CNTN6: variants seen among roughly 807,000 people sequenced by gnomAD.
CNTN6 encodes the protein contactin-6.
In CNTN6, 137 loss-of-function variants were observed where a neutral mutation model predicts 122.8. The observed-to-expected ratio is 1.12, with a 90% confidence interval of 0.97 to 1.29. The LOEUF (loss-of-function observed/expected upper bound fraction) is 1.29, where lower values mean the gene tolerates loss of function less well. Ranked by LOEUF, CNTN6 falls within the 50% of genes most tolerant of loss-of-function variation. The probability of loss-of-function intolerance (pLI) is 0.00; values close to 1 mark genes in which losing one functional copy is unlikely to be tolerated. For missense variants in CNTN6, 1,634 were observed against 1,223.4 expected (o/e 1.34, Z -5.01); for synonymous variants, 570 against 426.0 (o/e 1.34, Z -4.16).
Position 1,347,373 on chromosome 3 carries a change from T to G in CNTN6, c.1365-4951T>G, listed in dbSNP as rs60137015. ...GGGAAAATTTTTCTATTTAATTGTG[T>G]GAACAGTTAAAATATTCTAATTAAG... On this transcript the variant is annotated intron_variant, in intron 11 of 22. Transcript: ENST00000446702. Among the ~76,000 whole-genome samples the G allele has an allele frequency of 5.2e-3, 786 of 152,232 alleles. 9 individuals are homozygous for G. Among genetic ancestry groups the G allele is most frequent in the African/African-American group, 0.018 (736 of 41,554 alleles).
intron 5 of CNTN6, among the ~76,000 whole-genome samples, chr3:1,291,743 C>G (rs935062026): frequency 6.6e-6 from 1 of 152,070 alleles, no homozygotes; most frequent in Non-Finnish European, 1.5e-5. Flanking sequence ...TTGGTGGAGA[C>G]AGCAACAGGC....
chr3:1,141,624 TG>T, intron 1 of CNTN6, among the ~76,000 whole-genome samples: 1 of 152,272 alleles, frequency 6.6e-6, no homozygotes, highest in African/African-American at 2.4e-5. Context: ...AGGTATAATT[TG>T]TAATTGACCT....
At chr3:1,282,753 C>G (rs73111148) in intron 5 of CNTN6, among the ~76,000 whole-genome samples, 8,891 of 152,206 alleles carry the variant, frequency 0.058, 796 homozygotes, top group African/African-American at 0.2. Context: ...CTGTGACTTC[C>G]CACATCTTTC....
chr3:1,253,080 T>G (rs2094696624), intron 4 of CNTN6, among the ~76,000 whole-genome samples: 1 of 152,198 alleles, frequency 6.6e-6, no homozygotes, highest in African/African-American at 2.4e-5. Flanking sequence ...TTTACTTCAA[T>G]CATCCTCTTT....
At chr3:1,261,039 G>T (rs567354312) in intron 4 of CNTN6, among the ~76,000 whole-genome samples, 1 of 152,062 alleles carries the variant, frequency 6.6e-6, no homozygotes. Context: ...CTCTATGTGC[G>T]ATGGGGAAAA....
At chr3:1,398,635 T>C (rs1171082468) in intron 20 of CNTN6, among the ~76,000 whole-genome samples, 1 of 152,138 alleles carries the variant, frequency 6.6e-6, no homozygotes, top group Non-Finnish European at 1.5e-5. Flanking sequence ...GTTACAGGGC[T>C]TTTTAATATA....
At chr3:1,156,628 T>G (rs2092969829) in intron 2 of CNTN6, among the ~76,000 whole-genome samples, 3 of 151,286 alleles carry the variant, frequency 2.0e-5, no homozygotes, top group Admixed American at 1.3e-4. Context: ...TCTTTCTTTC[T>G]TTCTCTTTCT....
intron 16 of CNTN6, among the ~76,000 whole-genome samples, chr3:1,374,527 G>A (rs986372887): frequency 6.6e-6 from 1 of 151,942 alleles, no homozygotes; most frequent in Non-Finnish European, 1.5e-5. Context: ...TTTTTTCCAT[G>A]CAAATGAGGT....
Position 1,372,916 on chromosome 3 carries a change from C to T in CNTN6, c.1747C>T (p.Leu583=), listed in dbSNP as rs764682941. Residue 583 remains leucine, a synonymous_variant, in exon 14 of 23, where the codon CTA becomes TTA. Coordinates refer to ENST00000446702, the MANE Select transcript of CNTN6 (RefSeq NM_001289080.2). ...GKYLCTVQTT[L]ESLSAVADII... ...ATATCTCTGCACAGTACAAACAACC[C>T]TAGAAAGTTTATCTGCAGTAGCCGA... 2 of 1,606,360 alleles carry T rather than the reference C, an allele frequency of 1.2e-6. No individual in the cohort carries two copies. Among genetic ancestry groups the T allele is most frequent in the Non-Finnish European group, 1.7e-6 (2 of 1,175,186 alleles).
intron 8 of CNTN6, among the ~76,000 whole-genome samples, chr3:1,324,304 G>C (rs1373687895): frequency 6.7e-6 from 1 of 149,254 alleles, no homozygotes; most frequent in Admixed American, 6.6e-5. Flanking sequence ...AAAAACTCTA[G>C]AAGTCAGACA....
chr3:1,245,269 ATATATACACAC>A lies in CNTN6; in HGVS notation c.358+17277_358+17287del, dbSNP rs1225070344. The stretch of plus-strand genomic sequence containing the variant: ...ACATATATATATAACATATATATAT[ATATATACACAC>A]ACATATATATATAACATATATATAT... On this transcript the variant is annotated intron_variant, in intron 4 of 22. Transcript: ENST00000446702. Among the ~76,000 whole-genome samples the A allele has an allele frequency of 9.2e-3, 42 of 4,558 alleles. 10 individuals carry two copies. The highest frequency in any genetic ancestry group is 0.013 in the South Asian group (1 of 80). The allele number at this position is 4,558 out of a possible 152,430, so 3.0% of individuals were successfully genotyped here.
intron 5 of CNTN6, among the ~76,000 whole-genome samples, chr3:1,285,397 A>C (rs1010887046): frequency 6.6e-6 from 1 of 152,170 alleles, no homozygotes. Context: ...TAATGTTCAG[A>C]TGCCAGTTAG....
chr3:1,247,546 C>A (rs1302710198), intron 4 of CNTN6, among the ~76,000 whole-genome samples: 2 of 152,050 alleles, frequency 1.3e-5, no homozygotes, highest in Non-Finnish European at 2.9e-5. Context: ...CCATGAGATC[C>A]AATCCATTAT....
intron 4 of CNTN6, among the ~76,000 whole-genome samples, chr3:1,274,919 T>G (rs1216893528): frequency 6.6e-6 from 1 of 152,072 alleles, no homozygotes; most frequent in East Asian, 1.9e-4. Flanking sequence ...AACATAGGTG[T>G]GTTTATTGGA....
At chr3:1,239,250 G>A (rs1422191427) in intron 4 of CNTN6, among the ~76,000 whole-genome samples, 4 of 152,116 alleles carry the variant, frequency 2.6e-5, no homozygotes, top group African/African-American at 7.2e-5. Context: ...CTGACGTTAC[G>A]ATTGTATACC....
chr3:1,165,552 A>G (rs1217905155), intron 2 of CNTN6, among the ~76,000 whole-genome samples: 1 of 151,994 alleles, frequency 6.6e-6, no homozygotes, highest in African/African-American at 2.4e-5. Context: ...GTGCTGGCCA[A>G]ACTGAGTGCA....
At position 1,332,112 on chromosome 3, in the gene CNTN6, T is replaced by C. The variant is rs565006435; in HGVS notation, c.1364+2177T>C. Among the ~76,000 whole-genome samples the C allele has an allele frequency of 4.6e-5, 7 of 152,054 alleles. No individual in the cohort carries two copies. The South Asian group carries it at 1.5e-3, about 32-fold the overall frequency. On this transcript the variant is annotated intron_variant, in intron 11 of 22. Transcript: ENST00000446702. ...CTGCAGGTCTTAACAAAAGAAAACA[T>C]ACATACAAACAAGCAAATTATCTCC...
chr3:1,228,522 G>C (rs939607873), intron 4 of CNTN6, among the ~76,000 whole-genome samples: 1 of 152,138 alleles, frequency 6.6e-6, no homozygotes, highest in African/African-American at 2.4e-5. Context: ...TAATTACCCT[G>C]GTGACATTTG....
intron 7 of CNTN6, among the ~76,000 whole-genome samples, chr3:1,304,919 G>C (rs755902458): frequency 6.0e-5 from 9 of 149,904 alleles, no homozygotes; most frequent in Non-Finnish European, 1.0e-4. Context: ...TGAACTCAGA[G>C]GGTGGAAGTT....
Sources: allele counts gnomAD v4.1 joint callset (sites outside exome capture counted in the v4.1 genomes callset), GRCh38; gene constraint gnomAD v4.1.1; transcripts MANE v1.5; gene names NCBI Gene and HGNC (gene_info 2026-07-23, HGNC 2026-07-21).